ARHGAP10: variants seen among roughly 807,000 people sequenced by gnomAD.
ARHGAP10 encodes the protein Rho GTPase activating protein 10.
Under a neutral mutation model 108.6 loss-of-function variants are expected in ARHGAP10, and 87 were observed. The ratio of observed to expected loss-of-function variants is 0.80; its 90% CI spans 0.67 to 0.96. The LOEUF is 0.96. Ranked by LOEUF, ARHGAP10 falls within the 40% of genes least tolerant of loss-of-function variation. The pLI, the probability that ARHGAP10 is intolerant of heterozygous loss-of-function variation, is 0.00. For synonymous variants in ARHGAP10, 347 were observed against 341.1 expected, an observed-to-expected ratio of 1.02 and a Z score of -0.19; for missense variants, 939 against 954.5, an observed-to-expected ratio of 0.98 and a Z score of 0.21.
At chr4:147,754,210 G>A (rs910169301) in intron 1 of ARHGAP10, among the ~76,000 whole-genome samples, 2 of 152,190 alleles carry the variant, frequency 1.3e-5, no homozygotes, top group Non-Finnish European at 2.9e-5. Flanking sequence ...AGAAGCAGAT[G>A]CAAGTTGAGG....
In ARHGAP10 at chr4:147,818,565, CAA is replaced by C. The variant is rs5862813; in HGVS notation, c.155-4143_155-4142del. On this transcript the variant is annotated intron_variant, in intron 1 of 22. Transcript: ENST00000336498. ...TGGGTGACAAGAGTGAAACTGTCAC[CAA>C]AAAAAAAAAAAAAAAAAAGTTAGTT... is the stretch of plus-strand genomic sequence containing the variant. Among the ~76,000 whole-genome samples the C allele has an allele frequency of 4.5e-3, 473 of 105,234 alleles. 1 individual carries two copies. The highest frequency in any genetic ancestry group is 4.2e-3 in the Middle Eastern group (1 of 236). The allele number at this position is 105,234 out of a possible 152,430, so 69.0% of individuals were successfully genotyped here.
chr4:147,875,013 C>T lies in ARHGAP10; in HGVS notation c.703-8C>T. The T allele has an allele frequency of 6.4e-7, 1 of 1,565,256 alleles. No homozygotes were observed. The highest frequency in any genetic ancestry group is 8.6e-7 in the Non-Finnish European group (1 of 1,163,088). On this transcript the variant is annotated splice_polypyrimidine_tract_variant and splice_region_variant and intron_variant, in intron 7 of 22. Transcript: ENST00000336498. ...TAACATTTATGTGTGTTTTTTAATCCATTTCAGACACGGAATCGATTTGAA... is the reference window on the plus strand; with the variant it reads ...TAACATTTATGTGTGTTTTTTAATCTATTTCAGACACGGAATCGATTTGAA...
Position 147,868,886 on chromosome 4 carries a change from G to A in ARHGAP10, c.702+2070G>A, listed in dbSNP as rs144437574. ...CCGCTCACCTCCTGCCATGTGACCCGGTTCCTAACAGGCCATGGACCGGTA... is the reference window on the plus strand; with the variant it reads ...CCGCTCACCTCCTGCCATGTGACCCAGTTCCTAACAGGCCATGGACCGGTA... On this transcript the variant is annotated intron_variant, in intron 7 of 22. Transcript: ENST00000336498. Among the ~76,000 whole-genome samples, 61 of 152,206 alleles carry A rather than the reference G, an allele frequency of 4.0e-4. No homozygotes were observed. In the East Asian group the frequency reaches 0.01, roughly 25 times the overall value.
intron 13 of ARHGAP10, among the ~76,000 whole-genome samples, chr4:147,919,232 T>C (rs2126931296): frequency 6.6e-6 from 1 of 152,338 alleles, no homozygotes; most frequent in South Asian, 2.1e-4. Flanking sequence ...AAATAATAAA[T>C]ATATGACCTA....
Position 147,846,332 on chromosome 4 carries a change from A to C in ARHGAP10, c.313-819A>C, listed in dbSNP as rs111479139. 6.9e-3 allele frequency among the ~76,000 whole-genome samples: 1,052 copies of C among 152,274 alleles called. 12 individuals are homozygous for C. Among genetic ancestry groups the C allele is most frequent in the African/African-American group, 0.024 (1,005 of 41,542 alleles). On this transcript the variant is annotated intron_variant, in intron 3 of 22. Coordinates refer to ENST00000336498, the MANE Select transcript of ARHGAP10 (RefSeq NM_024605.4). ...TTTGATCACCTTTCTAAAAAGAGGG[A>C]TGGCACATTCTTAAATAGTGTTTCG...
intron 7 of ARHGAP10, among the ~76,000 whole-genome samples, chr4:147,872,297 C>G (rs1160135475): frequency 6.6e-6 from 1 of 151,882 alleles, no homozygotes; most frequent in Non-Finnish European, 1.5e-5. Context: ...AGCACGTAAG[C>G]AGACATGTTG....
At chr4:147,760,723 T>A (rs905864303) in intron 1 of ARHGAP10, among the ~76,000 whole-genome samples, 1 of 152,150 alleles carries the variant, frequency 6.6e-6, no homozygotes, top group African/African-American at 2.4e-5. Context: ...CTAATTCATG[T>A]CTTATTTCTT....
chr4:147,851,768 C>G (rs1182883332), intron 4 of ARHGAP10, among the ~76,000 whole-genome samples: 1 of 152,210 alleles, frequency 6.6e-6, no homozygotes, highest in Non-Finnish European at 1.5e-5. Context: ...AAGTTAGCAA[C>G]TTTTTGTGAG....
chr4:147,887,739 G>C (rs1735629359), intron 10 of ARHGAP10, among the ~76,000 whole-genome samples: 1 of 151,932 alleles, frequency 6.6e-6, no homozygotes, highest in South Asian at 2.1e-4. Context: ...GCGGGCGCTT[G>C]TAGTCCCAGC....
chr4:147,932,120 A>C (rs1253961085), intron 13 of ARHGAP10, among the ~76,000 whole-genome samples: 1 of 152,212 alleles, frequency 6.6e-6, no homozygotes, highest in Non-Finnish European at 1.5e-5. Flanking sequence ...ATGAGATACC[A>C]TCTCAAGCCA....
At chr4:147,894,292 T>G (rs886697994) in intron 10 of ARHGAP10, among the ~76,000 whole-genome samples, 2 of 152,174 alleles carry the variant, frequency 1.3e-5, no homozygotes, top group East Asian at 1.9e-4. Flanking sequence ...TCTTTTTCAT[T>G]TTAGCCAATT....
chr4:147,751,649 G>C (rs1729155690), intron 1 of ARHGAP10, among the ~76,000 whole-genome samples: 1 of 152,058 alleles, frequency 6.6e-6, no homozygotes, highest in Admixed American at 6.5e-5. Context: ...TTACAGGTGT[G>C]AGCCACTGCA....
At chr4:147,925,398 C>T (rs41515750) in intron 13 of ARHGAP10, among the ~76,000 whole-genome samples, 8,277 of 151,634 alleles carry the variant, frequency 0.055, 714 homozygotes, top group African/African-American at 0.19. Context: ...CAAAAAGCAA[C>T]GGCCCACTTT....
intron 1 of ARHGAP10, among the ~76,000 whole-genome samples, chr4:147,798,765 CTCTCTCTCTCTCTCTCTATATATA>C (rs1254124333): frequency 0.014 from 122 of 8,708 alleles, no homozygotes; most frequent in Admixed American, 0.02. Context: ...CTCTCTCTCT[CTCTCTCTCTCTCTCTCTATATATA>C]TATATATATA....
intron 8 of ARHGAP10, 137 bp from the exon 9 acceptor site, chr4:147,879,095 G>A (rs1735216867): frequency 4.8e-6 from 3 of 622,106 alleles, no homozygotes; most frequent in Non-Finnish European, 8.2e-6. Context: ...AGAACTAGCA[G>A]TATTGCTGAT....
intron 10 of ARHGAP10, among the ~76,000 whole-genome samples, chr4:147,905,335 A>G (rs1293733468): frequency 1.4e-5 from 2 of 147,598 alleles, no homozygotes; most frequent in East Asian, 3.9e-4. Flanking sequence ...GGTAATGCCT[A>G]GGTTTTCTTC....
chr4:147,968,025 A>T (rs1739269573), intron 18 of ARHGAP10, among the ~76,000 whole-genome samples: 1 of 152,200 alleles, frequency 6.6e-6, no homozygotes, highest in South Asian at 2.1e-4. Flanking sequence ...TTTTGTTCAT[A>T]AGAGTTAAAA....
chr4:147,894,058 T>C (rs994830046), intron 10 of ARHGAP10, among the ~76,000 whole-genome samples: 1 of 152,200 alleles, frequency 6.6e-6, no homozygotes, highest in African/African-American at 2.4e-5. Context: ...TTTTTAGCTT[T>C]TCTGAAAATA....
intron 15 of ARHGAP10, among the ~76,000 whole-genome samples, chr4:147,950,059 A>T (rs925749813): frequency 1.3e-5 from 2 of 152,296 alleles, no homozygotes; most frequent in East Asian, 3.9e-4. Context: ...TTAAACAAAC[A>T]TTGCCTACAG....
Sources: gnomAD v4.1 joint callset for allele counts (sites outside exome capture counted in the v4.1 genomes callset) on GRCh38, gnomAD v4.1.1 for gene constraint, MANE v1.5 for transcripts, NCBI Gene and HGNC (gene_info 2026-07-23, HGNC 2026-07-21) for gene names.